COL27A1: variants seen among roughly 807,000 people sequenced by gnomAD.
COL27A1 encodes collagen alpha-1(XXVII) chain.
Under a neutral mutation model 251.3 loss-of-function variants are expected in COL27A1, and 106 were observed. The ratio of observed to expected loss-of-function variants is 0.42; its 90% CI spans 0.36 to 0.50. The LOEUF (loss-of-function observed/expected upper bound fraction) is 0.50, where lower values mean the gene tolerates loss of function less well. Among genes scored for constraint, COL27A1 ranks in the 20% least tolerant of loss-of-function variants. The probability of loss-of-function intolerance (pLI) is 0.00; values close to 1 mark genes in which losing one functional copy is unlikely to be tolerated. For synonymous variants in COL27A1, 1,000 were observed against 986.3 expected (o/e 1.01, Z -0.26); for missense variants, 2,325 against 2,522.8 (o/e 0.92, Z 1.68).
chr9:114,231,375 G>A (rs1831939066), intron 15 of COL27A1, among the ~76,000 whole-genome samples: 1 of 152,198 alleles, frequency 6.6e-6, no homozygotes, highest in South Asian at 2.1e-4. Flanking sequence ...GAGTCTGACA[G>A]GGTTCCAGGC....
At chr9:114,267,431 C>A in intron 33 of COL27A1, 73 bp from the exon 34 acceptor site, 1 of 1,346,206 alleles carries the variant, frequency 7.4e-7, no homozygotes, top group Non-Finnish European at 1.0e-6. Flanking sequence ...CCTCTTGGAG[C>A]CTCAGTTACC....
chr9:114,168,854 C>A lies in COL27A1; in HGVS notation c.1299C>A (p.Pro433=). The A allele has an allele frequency of 6.2e-7, 1 of 1,614,040 alleles. No individual in the cohort carries two copies. The highest frequency in any genetic ancestry group is 8.5e-7 in the Non-Finnish European group (1 of 1,180,006). ...CCATCCAGAGGAACCCGGGAATGCC[C>A]AGGCCCCCACCGCCCAGCACCCGGC... is the stretch of plus-strand genomic sequence containing the variant. ...EKPIQRNPGM[P]RPPPPSTRPL... Residue 433 remains proline (P), a synonymous_variant, in exon 3 of 61, where the codon CCC becomes CCA. Transcript: ENST00000356083.
At chr9:114,175,220 C>G (rs1398705418) in intron 3 of COL27A1, among the ~76,000 whole-genome samples, 1 of 152,220 alleles carries the variant, frequency 6.6e-6, no homozygotes, top group Admixed American at 6.5e-5. Context: ...CCACCTCCCC[C>G]AGGCAGGCCT....
intron 50 of COL27A1, 135 bp from the exon 51 acceptor site, chr9:114,300,490 C>T (rs1588894257): frequency 6.3e-6 from 4 of 630,420 alleles, no homozygotes; most frequent in African/African-American, 1.9e-5. Context: ...TTTCTTACTC[C>T]TTCTGGGGCC....
chr9:114,302,139 T>A, intron 56 of COL27A1, 31 bp downstream of exon 56: 1 of 1,593,572 alleles, frequency 6.3e-7, no homozygotes, highest in Non-Finnish European at 8.6e-7. Context: ...TTTGCCTACT[T>A]GGGGTAAGGC....
chr9:114,177,465 G>A (rs940437194), intron 3 of COL27A1, among the ~76,000 whole-genome samples: 2 of 152,194 alleles, frequency 1.3e-5, no homozygotes, highest in Non-Finnish European at 2.9e-5. Context: ...GAGGCAGGGA[G>A]ACCACTGAGG....
At position 114,231,070 on chromosome 9, in the gene COL27A1, T is replaced by A; in HGVS notation, c.2467-9T>A. 1.2e-6 allele frequency: 2 copies of A among 1,610,968 alleles called. No homozygotes were observed. The highest frequency in any genetic ancestry group is 1.7e-6 in the Non-Finnish European group (2 of 1,178,396). Reference sequence around the variant, plus strand: ...CTCACAGCACCCTCTTCTCTTTCTCTCCCCACAGGGTGACTTAGGAGTGTT... The same window carrying A: ...CTCACAGCACCCTCTTCTCTTTCTCACCCCACAGGGTGACTTAGGAGTGTT... On this transcript the variant is annotated splice_polypyrimidine_tract_variant and intron_variant, in intron 14 of 60. Transcript: ENST00000356083.
At chr9:114,221,180 G>A (rs1257396183) in intron 13 of COL27A1, among the ~76,000 whole-genome samples, 1 of 152,036 alleles carries the variant, frequency 6.6e-6, no homozygotes, top group African/African-American at 2.4e-5. Context: ...GGGATGGGTG[G>A]GATCAGAGAG....
intron 1 of COL27A1, among the ~76,000 whole-genome samples, chr9:114,157,311 G>C (rs1469634227): frequency 6.6e-6 from 1 of 152,192 alleles, no homozygotes; most frequent in African/African-American, 2.4e-5. Flanking sequence ...TTGACATCAC[G>C]TTGTCCTGCA....
chr9:114,212,672 G>T (rs1286816269), intron 12 of COL27A1, among the ~76,000 whole-genome samples: 1 of 152,242 alleles, frequency 6.6e-6, no homozygotes, highest in African/African-American at 2.4e-5. Flanking sequence ...CCTGGGGAAG[G>T]AGCAGGCTTG....
chr9:114,164,613 G>T (rs761885047), intron 2 of COL27A1, among the ~76,000 whole-genome samples: 4 of 152,212 alleles, frequency 2.6e-5, no homozygotes, highest in African/African-American at 4.8e-5. Context: ...GGGGCCCTCC[G>T]GGGGTTGTTG....
chr9:114,230,432 G>A (rs73656021), intron 14 of COL27A1, among the ~76,000 whole-genome samples: 2,003 of 152,250 alleles, frequency 0.013, 50 homozygotes, highest in African/African-American at 0.046. Flanking sequence ...CTGCACACCC[G>A]CAAAGAGAAC....
intron 22 of COL27A1, 89 bp from the exon 23 acceptor site, chr9:114,243,418 G>T: frequency 9.5e-7 from 1 of 1,054,076 alleles, no homozygotes; most frequent in Non-Finnish European, 1.5e-6. Flanking sequence ...TACAGCTGTG[G>T]ATACCCTGTG....
At chr9:114,294,574 G>C (rs1588887176) in intron 49 of COL27A1, among the ~76,000 whole-genome samples, 1 of 152,280 alleles carries the variant, frequency 6.6e-6, no homozygotes, top group African/African-American at 2.4e-5. Context: ...TATATTAACA[G>C]ACTCAAAAAA....
intron 44 of COL27A1, 66 bp from the exon 45 acceptor site, chr9:114,289,176 A>T: frequency 4.1e-6 from 2 of 489,082 alleles, no homozygotes; most frequent in Non-Finnish European, 3.8e-6. Flanking sequence ...CTCCAGGCGG[A>T]GACTGGCCAC....
At chr9:114,165,806 T>G (rs1848795320) in intron 2 of COL27A1, among the ~76,000 whole-genome samples, 2 of 148,170 alleles carry the variant, frequency 1.3e-5, no homozygotes, top group African/African-American at 2.5e-5. Flanking sequence ...TACCCATCCA[T>G]CCAGCCAGCC....
chr9:114,302,389 C>T (rs563219801), intron 56 of COL27A1, among the ~76,000 whole-genome samples: 6 of 152,132 alleles, frequency 3.9e-5, no homozygotes, highest in South Asian at 4.1e-4. Flanking sequence ...ACTCCATACA[C>T]GTGGGCTGAT....
intron 7 of COL27A1, among the ~76,000 whole-genome samples, chr9:114,197,569 G>A (rs1315952275): frequency 6.6e-6 from 1 of 152,154 alleles, no homozygotes; most frequent in Non-Finnish European, 1.5e-5. Flanking sequence ...GTTCTGCATG[G>A]GGGTGGCAGC....
intron 4 of COL27A1, among the ~76,000 whole-genome samples, chr9:114,181,184 G>A (rs867894448): frequency 5.3e-5 from 8 of 152,152 alleles, no homozygotes; most frequent in Non-Finnish European, 7.4e-5. Flanking sequence ...GGATTATGAG[G>A]TGGGGCTCAG....
Sources: gnomAD v4.1 joint callset for allele counts (sites outside exome capture counted in the v4.1 genomes callset) on GRCh38, gnomAD v4.1.1 for gene constraint, MANE v1.5 for transcripts, NCBI Gene and HGNC (gene_info 2026-07-23, HGNC 2026-07-21) for gene names.